GALNT13: variants seen among roughly 807,000 people sequenced by gnomAD.
GALNT13 encodes polypeptide N-acetylgalactosaminyltransferase 13.
In GALNT13, 28 loss-of-function variants were observed where a neutral mutation model predicts 64.2. That is an observed-to-expected ratio of 0.44 (90% CI 0.32 to 0.60). The LOEUF is 0.60. Among genes scored for constraint, GALNT13 ranks in the 20% least tolerant of loss-of-function variants. GALNT13 has a pLI of 0.05. For missense variants in GALNT13, 577 were observed against 669.8 expected (o/e 0.86, Z 1.53); for synonymous variants, 214 against 224.6 (o/e 0.95, Z 0.42).
At chr2:153,424,237 C>T in the GALNT13 span, among the ~76,000 whole-genome samples, 1 of 150,692 alleles carries the variant, frequency 6.6e-6, no homozygotes, top group Non-Finnish European at 1.5e-5. Context: ...TTTCTAATTG[C>T]ATTAGAGGCA....
chr2:153,358,148 G>A, the GALNT13 span, among the ~76,000 whole-genome samples: 1 of 152,136 alleles, frequency 6.6e-6, no homozygotes, highest in African/African-American at 2.4e-5. Context: ...TTGCATCTTT[G>A]CATTTCATCA....
At chr2:153,297,720 A>G in the GALNT13 span, among the ~76,000 whole-genome samples, 2 of 152,238 alleles carry the variant, frequency 1.3e-5, no homozygotes, top group South Asian at 4.1e-4. Flanking sequence ...GCAGTCATTC[A>G]GGCTCCACTA....
At chr2:153,437,670 A>G in the GALNT13 span, among the ~76,000 whole-genome samples, 95 of 150,996 alleles carry the variant, frequency 6.3e-4, no homozygotes, top group Non-Finnish European at 1.1e-3. Flanking sequence ...TTTGTTTTCC[A>G]TTTGCTTGGT....
chr2:154,270,926 G>A lies in GALNT13; in HGVS notation c.975+11788G>A, dbSNP rs1691318750. On this transcript the variant is annotated intron_variant, in intron 8 of 12. Coordinates refer to ENST00000392825, the MANE Select transcript of GALNT13 (RefSeq NM_052917.4). The stretch of plus-strand genomic sequence containing the variant: ...ATCTTGAAGATAGAGTATCATTTGG[G>A]GTTTTTCTGTAAATAAAACGTATCT... Among the ~76,000 whole-genome samples, 3 of 151,670 alleles carry A rather than the reference G, an allele frequency of 2.0e-5. No individual in the cohort carries two copies. The South Asian group carries it at 6.2e-4, about 31-fold the overall frequency.
chr2:154,112,601 CAGCATAT>C lies in GALNT13; in HGVS notation c.143-27734_143-27728del, dbSNP rs549412739. On this transcript the variant is annotated intron_variant, in intron 3 of 12. Transcript: ENST00000392825. ...AAATCATTAATGACAGCCCATGAAT[CAGCATAT>C]AATTGTACATCTGGCCATTTATCTT... 3.3e-4 allele frequency among the ~76,000 whole-genome samples: 51 copies of C among 152,330 alleles called. No homozygotes were observed. The South Asian group carries it at 0.011, about 32-fold the overall frequency.
intron 1 of GALNT13, among the ~76,000 whole-genome samples, chr2:153,882,955 C>T (rs1162573413): frequency 1.3e-5 from 2 of 150,688 alleles, no homozygotes; most frequent in Admixed American, 6.6e-5. Context: ...AATAAAGAGA[C>T]CAAGTTAAAG....
intron 3 of GALNT13, among the ~76,000 whole-genome samples, chr2:153,947,628 G>T (rs1419693408): frequency 1.3e-5 from 2 of 151,778 alleles, no homozygotes; most frequent in East Asian, 1.9e-4. Flanking sequence ...CCATTCTGTA[G>T]GTTGTCTGTT....
the GALNT13 span, among the ~76,000 whole-genome samples, chr2:153,810,343 G>C: frequency 1.3e-5 from 2 of 152,176 alleles, 1 homozygote; most frequent in Admixed American, 1.3e-4. Flanking sequence ...AGTGTTGTGC[G>C]TGATCATTGT....
At chr2:153,200,353 T>C in the GALNT13 span, among the ~76,000 whole-genome samples, 6 of 152,258 alleles carry the variant, frequency 3.9e-5, no homozygotes, top group East Asian at 1.2e-3. Context: ...AGTGGTAAAG[T>C]TGGTGGTCAG....
At chr2:153,340,773 A>G in the GALNT13 span, among the ~76,000 whole-genome samples, 2 of 146,238 alleles carry the variant, frequency 1.4e-5, no homozygotes, top group East Asian at 3.9e-4. Context: ...GAGAGTTTTT[A>G]TCACAGGAAG....
intron 3 of GALNT13, among the ~76,000 whole-genome samples, chr2:153,986,447 G>A (rs773570775): frequency 1.3e-5 from 2 of 151,860 alleles, no homozygotes; most frequent in Non-Finnish European, 2.9e-5. Context: ...ATACACATCC[G>A]CAATATTGAT....
chr2:153,627,631 G>A, the GALNT13 span, among the ~76,000 whole-genome samples: 1 of 151,934 alleles, frequency 6.6e-6, no homozygotes, highest in African/African-American at 2.4e-5. Context: ...GAAAGTAATG[G>A]CAAAACCCAC....
At chr2:154,181,464 T>C (rs564956947) in intron 4 of GALNT13, among the ~76,000 whole-genome samples, 3 of 152,276 alleles carry the variant, frequency 2.0e-5, no homozygotes, top group Middle Eastern at 6.8e-3. Context: ...ATAACAATTT[T>C]AGGTTTTATT....
the GALNT13 span, among the ~76,000 whole-genome samples, chr2:153,196,668 G>T: frequency 6.6e-6 from 1 of 151,894 alleles, no homozygotes; most frequent in African/African-American, 2.4e-5. Context: ...GGGGCTCCAG[G>T]TTCTCACTGG....
At chr2:153,189,873 C>A in the GALNT13 span, among the ~76,000 whole-genome samples, 2 of 151,986 alleles carry the variant, frequency 1.3e-5, no homozygotes, top group Non-Finnish European at 2.9e-5. Context: ...ACATTTGATT[C>A]ATATATCTGT....
the GALNT13 span, among the ~76,000 whole-genome samples, chr2:153,152,012 C>G: frequency 5.9e-5 from 9 of 151,920 alleles, no homozygotes; most frequent in African/African-American, 2.2e-4. Flanking sequence ...AAAATGTTGG[C>G]CAACTCTGGT....
intron 3 of GALNT13, among the ~76,000 whole-genome samples, chr2:154,060,341 A>T (rs1273250019): frequency 6.6e-6 from 1 of 152,044 alleles, no homozygotes; most frequent in Non-Finnish European, 1.5e-5. Flanking sequence ...ATAGAGTTAT[A>T]TCTTTATTTT....
At chr2:154,117,404 T>C (rs1202951428) in intron 3 of GALNT13, among the ~76,000 whole-genome samples, 1 of 152,190 alleles carries the variant, frequency 6.6e-6, no homozygotes, top group Non-Finnish European at 1.5e-5. Flanking sequence ...TTTGTAGTCT[T>C]TTTTCCCTCA....
chr2:153,833,350 T>C, the GALNT13 span, among the ~76,000 whole-genome samples: 172 of 152,136 alleles, frequency 1.1e-3, 1 homozygote, highest in Admixed American at 3.0e-3. Flanking sequence ...AGAATAAAAA[T>C]TGTAATTTGA....
Sources: allele counts gnomAD v4.1 joint callset (sites outside exome capture counted in the v4.1 genomes callset), GRCh38; gene constraint gnomAD v4.1.1; transcripts MANE v1.5; gene names NCBI Gene and HGNC (gene_info 2026-07-23, HGNC 2026-07-21).